The following KDM2B variants were observed in gnomAD, a reference collection of about 807,000 sequenced individuals.
KDM2B encodes lysine demethylase 2B.
Under a neutral mutation model 150.0 loss-of-function variants are expected in KDM2B, and 26 were observed. That is an observed-to-expected ratio of 0.17 (90% CI 0.13 to 0.24). The LOEUF is 0.24. KDM2B is among the 10% of genes least tolerant of loss of function. The pLI is 1.00. For synonymous variants in KDM2B, 734 were observed against 729.5 expected (o/e 1.01, Z -0.10); for missense variants, 1,265 against 1,816.9 (o/e 0.70, Z 5.52).
At chr12:121,498,982 T>A (rs967304847) in intron 11 of KDM2B, among the ~76,000 whole-genome samples, 2 of 152,112 alleles carry the variant, frequency 1.3e-5, no homozygotes, top group East Asian at 1.9e-4. Flanking sequence ...ACTAATTTTT[T>A]AATTTTTTAG....
At position 121,429,846 on chromosome 12, in the gene KDM2B, C is replaced by T. The variant is rs1593692152; in HGVS notation, c.*442G>A. The T allele has an allele frequency of 1.8e-6, 1 of 569,248 alleles. No individual in the cohort carries two copies. The highest frequency in any genetic ancestry group is 2.5e-5 in the South Asian group (1 of 40,400). 35.3% of individuals were successfully genotyped at this position (569,248 alleles called of 1,614,324 possible). ...CTGCATAATGTAAGATGTAACAAAA[C>T]CAACCAAACAAAAAAAAGTGTCAAG... On this transcript the variant is annotated 3_prime_UTR_variant, in exon 23 of 23. Coordinates refer to ENST00000377071, the MANE Select transcript of KDM2B (RefSeq NM_032590.5).
At chr12:121,517,590 T>C (rs1555305246) in intron 9 of KDM2B, among the ~76,000 whole-genome samples, 1 of 151,336 alleles carries the variant, frequency 6.6e-6, no homozygotes, top group African/African-American at 2.4e-5. Context: ...TGCCTCAACC[T>C]CCCGATTAGC....
intron 1 of KDM2B, chr12:121,580,242 T>G: frequency 1.1e-6 from 1 of 890,574 alleles, no homozygotes; most frequent in Non-Finnish European, 1.4e-6. Flanking sequence ...GAAACCATTT[T>G]CAGCAGTTGT....
Position 121,441,202 on chromosome 12 carries a change from C to T in KDM2B, c.3316G>A (p.Asp1106Asn), listed in dbSNP as rs1555288190. The change falls in exon 20 of 23, where the codon GAC becomes AAC. Residue 1106 changes from aspartate to asparagine, a missense_variant. Around this residue, in one of 11 missense-constraint regions of KDM2B, gnomAD observed 251 missense variants for 397.8 expected, o/e 0.63. Coordinates refer to ENST00000377071, the MANE Select transcript of KDM2B (RefSeq NM_032590.5). The stretch of plus-strand genomic sequence containing the variant: ...GTGATAGACTTGCAGTGGTTCAGGT[C>T]AATGCGGGTCCACAACCGCTTATCG... ...CCDKRLWTRI[D>N]LNHCKSITPL... 1 of 1,614,138 alleles carries T rather than the reference C, an allele frequency of 6.2e-7. No homozygotes were observed. The highest frequency in any genetic ancestry group is 2.2e-5 in the East Asian group (1 of 44,882).
At chr12:121,522,982 T>C in intron 8 of KDM2B, among the ~76,000 whole-genome samples, 1 of 152,234 alleles carries the variant, frequency 6.6e-6, no homozygotes, top group East Asian at 1.9e-4. Context: ...ACACAGCTAC[T>C]GCACTGCAAT....
chr12:121,434,857 T>A (rs1306754471), intron 22 of KDM2B, among the ~76,000 whole-genome samples: 1 of 152,154 alleles, frequency 6.6e-6, no homozygotes, highest in Non-Finnish European at 1.5e-5. Flanking sequence ...CTTGGGAGAC[T>A]GAGGCATGAG....
rs201345788 is a variant in KDM2B at position 121,548,981 on chromosome 12, T to C, written c.579A>G (p.Val193=). 81 of 1,613,264 alleles carry C rather than the reference T, an allele frequency of 5.0e-5. No individual in the cohort carries two copies. The highest frequency in any genetic ancestry group is 6.8e-5 in the Non-Finnish European group (80 of 1,179,288). The change falls in exon 6 of 23, where the codon GTA becomes GTG. Residue 193 remains valine, a splice_region_variant and synonymous_variant. Coordinates refer to ENST00000377071, the MANE Select transcript of KDM2B (RefSeq NM_032590.5). ...TGTTGTCCACCCAGTCCACCAGGTC[T>C]ACCTGAAAGCCAGACCAGTGTGAGC... ...LEHLVKRPTV[V]DLVDWVDNMW...
At chr12:121,494,352 T>C in intron 12 of KDM2B, 1 of 468,278 alleles carries the variant, frequency 2.1e-6, no homozygotes, top group Non-Finnish European at 3.8e-6. Context: ...CCCCCCAGTT[T>C]TCCAAGTGAC....
chr12:121,473,839 A>G (rs533951850), intron 12 of KDM2B, among the ~76,000 whole-genome samples: 1 of 152,202 alleles, frequency 6.6e-6, no homozygotes, highest in African/African-American at 2.4e-5. Context: ...TCAAATATCC[A>G]TTTGATTTGT....
chr12:121,507,791 G>A (rs540666543), intron 11 of KDM2B, among the ~76,000 whole-genome samples: 4 of 151,954 alleles, frequency 2.6e-5, no homozygotes, highest in African/African-American at 7.3e-5. Context: ...TGGGAGGATC[G>A]CTTGAGCTCA....
At chr12:121,432,268 T>A (rs11065574) in intron 22 of KDM2B, among the ~76,000 whole-genome samples, 2,387 of 152,296 alleles carry the variant, frequency 0.016, 49 homozygotes, top group East Asian at 0.13. Flanking sequence ...CTCTTCATAA[T>A]CTTACTGCAA....
rs868972678 is a variant in KDM2B, at chr12:121,467,207, G to A, written c.1735-13863C>T. ...GTCGTCCTCGGCGCTCACGGACATG[G>A]CCATGGCTCATGGTGGGCCCAGGCT... On this transcript the variant is annotated intron_variant, in intron 12 of 22. Transcript: ENST00000377071. This position sits in a 1 kb window ranked among gnomAD's most constrained non-coding sequence, Gnocchi z 5.1. The A allele has an allele frequency of 9.1e-7, 1 of 1,102,536 alleles. No individual in the cohort carries two copies. Among genetic ancestry groups the A allele is most frequent in the South Asian group, 1.9e-5 (1 of 51,992 alleles). The allele number at this position is 1,102,536 out of a possible 1,614,324, so 68.3% of individuals were successfully genotyped here.
intron 22 of KDM2B, among the ~76,000 whole-genome samples, chr12:121,436,646 C>G (rs1178148158): frequency 6.6e-6 from 1 of 151,764 alleles, no homozygotes; most frequent in Non-Finnish European, 1.5e-5. Context: ...AAGAGGAAAA[C>G]AGAAGGGGAG....
In KDM2B at chr12:121,566,879, G is replaced by A. The variant is rs193070665; in HGVS notation, c.397+7668C>T. On this transcript the variant is annotated intron_variant, in intron 4 of 22. Transcript: ENST00000377071. ...TGTGAAAAGACAAGCCACAAAGTGG[G>A]AGTTTTTTTTTCTTTTTTTTGAGAT... Among the ~76,000 whole-genome samples the A allele has an allele frequency of 1.2e-3, 181 of 152,104 alleles. 1 individual carries two copies. Among genetic ancestry groups the A allele is most frequent in the Non-Finnish European group, 2.2e-3 (147 of 67,982 alleles).
intron 6 of KDM2B, among the ~76,000 whole-genome samples, chr12:121,548,052 A>T (rs1889206513): frequency 6.6e-6 from 1 of 152,162 alleles, no homozygotes; most frequent in African/African-American, 2.4e-5. Flanking sequence ...AAGGTGCTAC[A>T]GCCCATGTTA....
Position 121,520,986 on chromosome 12 carries a change from C to T in KDM2B, c.1046G>A (p.Arg349Gln), listed in dbSNP as rs1886635976. ...LRIYEIEDRT[R>Q]VQPKFRYPFY... ...GAGGACAGAAGGGAACCTCCTTACC[C>T]GCGTCCTGTCCTCGATCTCGTAGAT... is the stretch of plus-strand genomic sequence containing the variant. Residue 349 changes from arginine to glutamine, a missense_variant and splice_region_variant, in exon 9 of 23, where the codon CGG becomes CAG. Coordinates refer to ENST00000377071, the MANE Select transcript of KDM2B (RefSeq NM_032590.5). The surrounding 1 kb of genome is among the most constrained non-coding windows in gnomAD (Gnocchi z 4.5). 1.9e-6 allele frequency: 3 copies of T among 1,613,056 alleles called. No homozygotes were observed. The highest frequency in any genetic ancestry group is 2.5e-6 in the Non-Finnish European group (3 of 1,179,202).
intron 12 of KDM2B, among the ~76,000 whole-genome samples, chr12:121,488,747 G>C (rs1248620427): frequency 6.6e-6 from 1 of 151,020 alleles, no homozygotes; most frequent in Non-Finnish European, 1.5e-5. Flanking sequence ...TCACCCTTCC[G>C]AGTAGCTGGG....
chr12:121,410,971 G>A, the KDM2B span, among the ~76,000 whole-genome samples: 27 of 152,242 alleles, frequency 1.8e-4, no homozygotes, highest in East Asian at 4.8e-3. Flanking sequence ...GTCTCACTCC[G>A]TCACCCAGGC....
At chr12:121,485,881 A>G (rs1882700921) in intron 12 of KDM2B, among the ~76,000 whole-genome samples, 2 of 151,604 alleles carry the variant, frequency 1.3e-5, no homozygotes, top group Non-Finnish European at 2.9e-5. Flanking sequence ...GGTTCATACA[A>G]TTCTCCTGCC....
Sources: gnomAD v4.1 joint callset for allele counts (sites outside exome capture counted in the v4.1 genomes callset) on GRCh38, gnomAD v4.1.1 for gene constraint, gnomAD v4.1.1 regional missense constraint, Gnocchi (gnomAD v3.1) non-coding constraint, MANE v1.5 for transcripts, NCBI Gene and HGNC (gene_info 2026-07-23, HGNC 2026-07-21) for gene names.